The following SMU1 variants were observed in gnomAD, a reference collection of about 807,000 sequenced individuals.
SMU1 encodes the protein SMU1 DNA replication regulator and spliceosomal factor.
Under a neutral mutation model 62.0 loss-of-function variants are expected in SMU1, and 2 were observed. The ratio of observed to expected loss-of-function variants is 0.03; its 90% CI spans 0.01 to 0.10. SMU1 has a LOEUF of 0.10. Ranked by LOEUF, SMU1 falls within the 10% of genes least tolerant of loss-of-function variation. The pLI, the probability that SMU1 is intolerant of heterozygous loss-of-function variation, is 1.00. For missense variants in SMU1, 227 were observed against 622.1 expected (o/e 0.36, Z 6.76); for synonymous variants, 188 against 212.4 (o/e 0.89, Z 1.00).
chr9:33,051,379 A>G (rs1839247126), intron 10 of SMU1, among the ~76,000 whole-genome samples: 1 of 152,188 alleles, frequency 6.6e-6, no homozygotes. Flanking sequence ...ACAATTCTCT[A>G]ATGGTAGACA....
intron 6 of SMU1, among the ~76,000 whole-genome samples, chr9:33,059,827 G>T (rs1839343591): frequency 6.6e-6 from 1 of 151,408 alleles, no homozygotes; most frequent in Admixed American, 6.6e-5. Context: ...GGCCAGGCTT[G>T]TCTCAAACTC....
chr9:33,063,817 C>A (rs1374617664), intron 4 of SMU1, among the ~76,000 whole-genome samples: 2 of 151,380 alleles, frequency 1.3e-5, no homozygotes, highest in African/African-American at 2.4e-5. Flanking sequence ...GTGGAAAAAT[C>A]GTCTTCCACG....
At chr9:33,060,371 CT>C in intron 6 of SMU1, 93 bp downstream of exon 6, 4 of 1,120,470 alleles carry the variant, frequency 3.6e-6, no homozygotes, top group Non-Finnish European at 5.1e-6. Context: ...CATACAGATC[CT>C]TTTTCAACTA....
chr9:33,070,794 A>G (rs1564025083), intron 3 of SMU1, among the ~76,000 whole-genome samples: 1 of 152,218 alleles, frequency 6.6e-6, no homozygotes, highest in Non-Finnish European at 1.5e-5. Flanking sequence ...CAGACTTTGC[A>G]TGTTCTCATT....
rs775240028 is a variant in SMU1, at chr9:33,056,243, C to G, written c.996-4G>C. 6.2e-7 allele frequency: 1 copy of G among 1,608,252 alleles called. No homozygotes were observed. Among genetic ancestry groups the G allele is most frequent in the East Asian group, 2.2e-5 (1 of 44,734 alleles). On this transcript the variant is annotated splice_polypyrimidine_tract_variant and splice_region_variant and intron_variant, in intron 8 of 11. Transcript: ENST00000397149. ...CCCAGATTTTAAACCATGAATTCTA[C>G]CAAATGAAAGTAAATGAAAAGAACA...
chr9:33,071,818 G>A lies in SMU1; in HGVS notation c.312C>T (p.Ile104=). 1 of 1,607,418 alleles carries A rather than the reference G, an allele frequency of 6.2e-7. No individual in the cohort carries two copies. The highest frequency in any genetic ancestry group is 1.1e-5 in the South Asian group (1 of 89,118). Residue 104 remains isoleucine, a synonymous_variant, in exon 3 of 12, where the codon ATC becomes ATT. Coordinates refer to ENST00000397149, the MANE Select transcript of SMU1 (RefSeq NM_018225.3). The part of the protein sequence containing the change: ...RSLLRQTDPM[I]MLKQTQPERY... ...GCTCTGGCTGTGTTTGTTTTAACATGATCATGGGATCAGTCTGTCTCAAAA... is the reference window on the plus strand; with the variant it reads ...GCTCTGGCTGTGTTTGTTTTAACATAATCATGGGATCAGTCTGTCTCAAAA...
chr9:33,042,545 C>G lies in SMU1; in HGVS notation c.*4748G>C, dbSNP rs1030195883. ...TTGGAACAGTGGCAAATTTTCTGTA[C>G]GTGAAATTAGCTTCTCAACTTTTTT... On this transcript the variant is annotated 3_prime_UTR_variant, in exon 12 of 12. Transcript: ENST00000397149. 6.6e-6 allele frequency: 1 copy of G among 152,154 alleles called. No individual in the cohort carries two copies. Among genetic ancestry groups the G allele is most frequent in the African/African-American group, 2.4e-5 (1 of 41,418 alleles). 9.4% of individuals were successfully genotyped at this position (152,154 alleles called of 1,614,324 possible).
chr9:33,076,437 G>T, intron 1 of SMU1, 146 bp downstream of exon 1: 1 of 985,180 alleles, frequency 1.0e-6, no homozygotes, highest in Non-Finnish European at 1.6e-6. Flanking sequence ...CTCCGAGGTA[G>T]CGAGATCCAA....
intron 1 of SMU1, among the ~76,000 whole-genome samples, chr9:33,075,250 G>A (rs555807239): frequency 4.6e-5 from 7 of 152,258 alleles, no homozygotes; most frequent in East Asian, 1.9e-4. Flanking sequence ...GGTGGTGGGC[G>A]CCTGTAGTCC....
intron 7 of SMU1, 132 bp from the exon 8 acceptor site, chr9:33,057,096 G>T: frequency 1.2e-6 from 1 of 830,720 alleles, no homozygotes; most frequent in Non-Finnish European, 1.9e-6. Context: ...GCTAATAGCT[G>T]AATATGATGT....
At chr9:33,061,632 T>C (rs922267099) in intron 5 of SMU1, among the ~76,000 whole-genome samples, 47 of 152,336 alleles carry the variant, frequency 3.1e-4, no homozygotes, top group African/African-American at 1.1e-3. Flanking sequence ...AAAATCATTT[T>C]CCTCAAACAT....
At chr9:33,055,148 T>C (rs1444553397) in intron 9 of SMU1, among the ~76,000 whole-genome samples, 1 of 151,616 alleles carries the variant, frequency 6.6e-6, no homozygotes, top group African/African-American at 2.4e-5. Context: ...CAGACGGTGG[T>C]CTGACATATA....
intron 11 of SMU1, 98 bp downstream of exon 11, chr9:33,048,008 G>T: frequency 1.9e-6 from 2 of 1,073,492 alleles, no homozygotes; most frequent in South Asian, 1.7e-5. Context: ...TATACTGAGG[G>T]TCACATCGAT....
intron 10 of SMU1, among the ~76,000 whole-genome samples, chr9:33,049,924 C>G (rs1051114033): frequency 6.6e-6 from 1 of 152,048 alleles, no homozygotes; most frequent in South Asian, 2.1e-4. Context: ...GGCAATGGAG[C>G]AAGACCCTGC....
intron 1 of SMU1, 31 bp downstream of exon 1, chr9:33,076,552 A>C (rs1839548581): frequency 6.2e-7 from 1 of 1,613,324 alleles, no homozygotes; most frequent in African/African-American, 1.3e-5. Context: ...GGCCCCCGGC[A>C]AGGCGCGAAC....
chr9:33,064,742 CT>C lies in SMU1; in HGVS notation c.502-2566del, dbSNP rs869041104. Among the ~76,000 whole-genome samples the C allele has an allele frequency of 7.9e-3, 1,109 of 141,012 alleles. 6 individuals are homozygous for C. Among genetic ancestry groups the C allele is most frequent in the African/African-American group, 0.017 (644 of 38,850 alleles). 92.5% of individuals were successfully genotyped at this position (141,012 alleles called of 152,430 possible). A position where few individuals can be genotyped will look rare whatever the true frequency, so the allele number is the denominator to read the frequency against. On this transcript the variant is annotated intron_variant, in intron 4 of 11. Coordinates refer to ENST00000397149, the MANE Select transcript of SMU1 (RefSeq NM_018225.3). ...AGTTTCTTTGCTAAATATATTTTTT[CT>C]TTTTTTTTTTTTTAATTGAGACAGA...
intron 1 of SMU1, among the ~76,000 whole-genome samples, chr9:33,076,356 C>T (rs549308797): frequency 6.6e-6 from 1 of 152,298 alleles, no homozygotes; most frequent in African/African-American, 2.4e-5. Flanking sequence ...GGTGTGTTTT[C>T]CCCACCCGTG....
intron 10 of SMU1, among the ~76,000 whole-genome samples, chr9:33,052,899 G>T (rs770436092): frequency 1.3e-4 from 20 of 152,352 alleles, no homozygotes; most frequent in Non-Finnish European, 2.9e-4. Flanking sequence ...TCCGAAGGAT[G>T]AAAGTGCTTA....
intron 2 of SMU1, among the ~76,000 whole-genome samples, chr9:33,073,364 T>C (rs1839508862): frequency 6.6e-6 from 1 of 152,082 alleles, no homozygotes; most frequent in African/African-American, 2.4e-5. Context: ...GCCACTGCAC[T>C]CCAGAGTGGG....
Sources: allele counts gnomAD v4.1 joint callset (sites outside exome capture counted in the v4.1 genomes callset), GRCh38; gene constraint gnomAD v4.1.1; transcripts MANE v1.5; gene names NCBI Gene and HGNC (gene_info 2026-07-23, HGNC 2026-07-21).